Variants in CIAPIN1 observed in about 807,000 individuals in gnomAD.
CIAPIN1 encodes anamorsin.
Under a neutral mutation model 34.3 loss-of-function variants are expected in CIAPIN1, and 18 were observed. That is an observed-to-expected ratio of 0.52 (90% CI 0.36 to 0.78). The LOEUF is 0.78. CIAPIN1 is among the 30% of genes least tolerant of loss of function. The pLI is 0.00. For synonymous variants in CIAPIN1, 131 were observed against 140.4 expected, an observed-to-expected ratio of 0.93 and a Z score of 0.47; for missense variants, 310 against 372.5, an observed-to-expected ratio of 0.83 and a Z score of 1.38.
In CIAPIN1 at chr16:57,439,252, C is replaced by G. The variant is rs757273392; in HGVS notation, c.240G>C (p.Leu80Phe). 1 of 1,614,182 alleles carries G rather than the reference C, an allele frequency of 6.2e-7. No individual in the cohort carries two copies. The highest frequency in any genetic ancestry group is 8.5e-7 in the Non-Finnish European group (1 of 1,180,044). ...GSTTLHSAEI[L>F]AEIARILRPG... ...GCCGAAGGATCCGGGCGATTTCAGC[C>G]AAAATCTCAGCACTGTGCAGAGTGG... The change falls in exon 3 of 9, where the codon TTG becomes TTC. Residue 80 changes from leucine to phenylalanine, a missense_variant. Transcript: ENST00000394391.
chr16:57,438,984 T>C (rs752729330), intron 3 of CIAPIN1, among the ~76,000 whole-genome samples, 198 bp downstream of exon 3: 1 of 152,234 alleles, frequency 6.6e-6, no homozygotes, highest in African/African-American at 2.4e-5. Flanking sequence ...TTCTATTTTA[T>C]TACATAATGA....
At chr16:57,443,221 C>T (rs1312048296) in intron 1 of CIAPIN1, among the ~76,000 whole-genome samples, 1 of 147,072 alleles carries the variant, frequency 6.8e-6, no homozygotes, top group Non-Finnish European at 1.5e-5. Flanking sequence ...CTCACCACAA[C>T]CTCTGCCTCC....
In CIAPIN1 at chr16:57,428,264, T is replaced by C. The variant is rs1286145816; in HGVS notation, c.*906A>G. On this transcript the variant is annotated 3_prime_UTR_variant, in exon 9 of 9. Coordinates refer to ENST00000394391, the MANE Select transcript of CIAPIN1 (RefSeq NM_020313.4). ...AATCCACACAATCTCTCCAAATATTTGGCAAGATTGATTCCAAGTCCATAT... is the reference window on the plus strand; with the variant it reads ...AATCCACACAATCTCTCCAAATATTCGGCAAGATTGATTCCAAGTCCATAT... 1 of 152,182 alleles carries C rather than the reference T, an allele frequency of 6.6e-6. No homozygotes were observed. The highest frequency in any genetic ancestry group is 2.4e-5 in the African/African-American group (1 of 41,426). 9.4% of individuals were successfully genotyped at this position (152,182 alleles called of 1,614,324 possible). A position where few individuals can be genotyped will look rare whatever the true frequency, so the allele number is the denominator to read the frequency against.
intron 1 of CIAPIN1, among the ~76,000 whole-genome samples, chr16:57,445,482 A>G (rs2146576403): frequency 6.6e-6 from 1 of 152,280 alleles, no homozygotes; most frequent in Middle Eastern, 3.4e-3. Flanking sequence ...CACTCCAGCC[A>G]GGGAGACAGA....
chr16:57,441,051 C>T, intron 1 of CIAPIN1, 68 bp from the exon 2 acceptor site: 2 of 1,005,252 alleles, frequency 2.0e-6, no homozygotes, highest in Non-Finnish European at 2.9e-6. Flanking sequence ...CCCAACCTAA[C>T]TTGTAACCGC....
chr16:57,434,201 C>A lies in CIAPIN1; in HGVS notation c.399G>T (p.Glu133Asp). ...ACTGTACTTCCTCAGGGGTTAGGGGCTCCCGCTGCAGCTAGAATTCAAGAC... is the reference window on the plus strand; with the variant it reads ...ACTGTACTTCCTCAGGGGTTAGGGGATCCCGCTGCAGCTAGAATTCAAGAC... ...GLVEVKELQR[E>D]PLTPEEVQSV... Residue 133 changes from glutamate to aspartate, a missense_variant, in exon 5 of 9, where the codon GAG becomes GAT. Transcript: ENST00000394391. 1 of 1,613,994 alleles carries A rather than the reference C, an allele frequency of 6.2e-7. No individual in the cohort carries two copies. Among genetic ancestry groups the A allele is most frequent in the Non-Finnish European group, 8.5e-7 (1 of 1,179,930 alleles).
intron 4 of CIAPIN1, among the ~76,000 whole-genome samples, chr16:57,436,388 C>A (rs1419747720): frequency 1.3e-5 from 2 of 152,012 alleles, no homozygotes; most frequent in Non-Finnish European, 2.9e-5. Flanking sequence ...CCACCAGGCC[C>A]GACTAATTTT....
intron 1 of CIAPIN1, among the ~76,000 whole-genome samples, chr16:57,443,818 T>C (rs778783050): frequency 2.2e-4 from 33 of 152,152 alleles, no homozygotes; most frequent in Non-Finnish European, 4.3e-4. Flanking sequence ...GCACATGATG[T>C]CGAGGAAGAA....
At chr16:57,440,628 C>G in intron 2 of CIAPIN1, 144 bp downstream of exon 2, 2 of 873,622 alleles carry the variant, frequency 2.3e-6, no homozygotes, top group Non-Finnish European at 3.5e-6. Context: ...TCCGATATAT[C>G]TCAACTGAAA....
At chr16:57,446,440 G>T (rs1364645160) in intron 1 of CIAPIN1, among the ~76,000 whole-genome samples, 1 of 152,200 alleles carries the variant, frequency 6.6e-6, no homozygotes, top group Non-Finnish European at 1.5e-5. Context: ...TTGACAAGGG[G>T]TGTGCAAAGC....
At chr16:57,435,263 A>G (rs1156832074) in intron 4 of CIAPIN1, among the ~76,000 whole-genome samples, 5 of 152,108 alleles carry the variant, frequency 3.3e-5, no homozygotes, top group Non-Finnish European at 7.4e-5. Context: ...TTCTGCCACG[A>G]GTAAAAGTTC....
rs151213540 is a variant in CIAPIN1, at chr16:57,445,440, G to T, written c.-56+1902C>A. The stretch of plus-strand genomic sequence containing the variant: ...GCAGAATTGCTTGAACTCAGGAGGC[G>T]GACGTTGTAGTGGACCAAGATCTTG... On this transcript the variant is annotated intron_variant, in intron 1 of 8. Transcript: ENST00000394391. Among the ~76,000 whole-genome samples, 333 of 152,238 alleles carry T rather than the reference G, an allele frequency of 2.2e-3. 1 individual carries two copies. The highest frequency in any genetic ancestry group is 8.5e-3 in the East Asian group (44 of 5,188).
intron 1 of CIAPIN1, among the ~76,000 whole-genome samples, chr16:57,444,906 G>A (rs1344291813): frequency 6.6e-6 from 1 of 152,174 alleles, no homozygotes; most frequent in Non-Finnish European, 1.5e-5. Flanking sequence ...ATAATAAGAG[G>A]TAGCATCATT....
intron 8 of CIAPIN1, 117 bp downstream of exon 8, chr16:57,430,141 C>G: frequency 1.2e-6 from 1 of 859,462 alleles, no homozygotes. Flanking sequence ...CGTTCGTGTG[C>G]TCACGCATTC....
intron 5 of CIAPIN1, 143 bp from the exon 6 acceptor site, chr16:57,432,703 C>T (rs182637646): frequency 2.9e-6 from 2 of 690,046 alleles, no homozygotes; most frequent in South Asian, 4.0e-5. Flanking sequence ...TCCAGCTCTA[C>T]CCCTCTGAGA....
At chr16:57,445,467 C>A (rs2030015116) in intron 1 of CIAPIN1, among the ~76,000 whole-genome samples, 1 of 152,128 alleles carries the variant, frequency 6.6e-6, no homozygotes, top group Non-Finnish European at 1.5e-5. Context: ...AAGATCTTGC[C>A]ACTGCACTCC....
chr16:57,436,523 C>A (rs181089661), intron 4 of CIAPIN1, 133 bp downstream of exon 4: 5 of 564,698 alleles, frequency 8.9e-6, no homozygotes, highest in Non-Finnish European at 1.5e-5. Flanking sequence ...CCACCACACC[C>A]GGCCGATTCT....
intron 1 of CIAPIN1, among the ~76,000 whole-genome samples, chr16:57,441,964 CT>C (rs1903342717): frequency 6.6e-6 from 1 of 152,240 alleles, no homozygotes; most frequent in African/African-American, 2.4e-5. Flanking sequence ...CTTCAGACTT[CT>C]GCAGAGGTGG....
chr16:57,437,105 C>T (rs943444393), intron 3 of CIAPIN1, among the ~76,000 whole-genome samples: 2 of 151,694 alleles, frequency 1.3e-5, no homozygotes, highest in African/African-American at 4.8e-5. Context: ...CTTGCCTGCA[C>T]AACAGAGTGA....
Sources: allele counts gnomAD v4.1 joint callset (sites outside exome capture counted in the v4.1 genomes callset), GRCh38; gene constraint gnomAD v4.1.1; transcripts MANE v1.5; gene names NCBI Gene and HGNC (gene_info 2026-07-23, HGNC 2026-07-21).